SIGLEC14: variants seen among roughly 807,000 people sequenced by gnomAD.
SIGLEC14 encodes sialic acid-binding Ig-like lectin 14.
Under a neutral mutation model 34.2 loss-of-function variants are expected in SIGLEC14, and 11 were observed. The observed-to-expected ratio is 0.32, with a 90% CI of 0.20 to 0.53. The LOEUF is 0.53. Ranked by LOEUF, SIGLEC14 falls within the 20% of genes least tolerant of loss-of-function variation. The pLI is 0.95. For synonymous variants in SIGLEC14, 99 were observed against 179.7 expected, an observed-to-expected ratio of 0.55 and a Z score of 3.59; for missense variants, 264 against 439.0, an observed-to-expected ratio of 0.60 and a Z score of 3.56.
Position 51,644,007 on chromosome 19 carries a change from C to T in SIGLEC14, c.784G>A (p.Val262Met). Reference protein sequence around the residue: ...ALRILSNGMSVPIQEGQSLFL... With the variant: ...ALRILSNGMSMPIQEGQSLFL... ...AGGGACTGGCCCTCCTGGATGGGCA[C>T]CGACATGCCATTGCTCAGGATCCGC... Residue 262 changes from valine (V) to methionine (M), a missense_variant, in exon 5 of 7, where the codon GTG becomes ATG. Physicochemically the swap from Val to Met is conservative, Grantham distance 21. Around this residue, in one of 5 missense-constraint regions of SIGLEC14, gnomAD observed 149 missense variants for 184.4 expected, o/e 0.81. Coordinates refer to ENST00000360844, the MANE Select transcript of SIGLEC14 (RefSeq NM_001098612.3). 2 of 1,524,412 alleles carry T rather than the reference C, an allele frequency of 1.3e-6. 1 individual carries two copies. Among genetic ancestry groups the T allele is most frequent in the South Asian group, 2.4e-5 (2 of 81,856 alleles). 94.4% of individuals were successfully genotyped at this position (1,524,412 alleles called of 1,614,324 possible). A position where few individuals can be genotyped will look rare whatever the true frequency, so the allele number is the denominator to read the frequency against.
rs1276098763 is a variant in SIGLEC14 at position 51,639,772 on chromosome 19, A to C, written c.*3583T>G. On this transcript the variant is annotated 3_prime_UTR_variant, in exon 7 of 7. Transcript: ENST00000360844. ...AGATTTCAACATATAAATTTTGGGA[A>C]GACACACATTTCTATTATAGCATAA... The C allele has an allele frequency of 1.4e-5, 2 of 139,472 alleles. 1 individual carries two copies. Among genetic ancestry groups the C allele is most frequent in the Non-Finnish European group, 3.1e-5 (2 of 65,104 alleles). The allele number at this position is 139,472 out of a possible 1,614,324, so 8.6% of individuals were successfully genotyped here.
rs1250377131 is a variant in SIGLEC14 at position 51,643,247 on chromosome 19, G to C, written c.*108C>G. On this transcript the variant is annotated 3_prime_UTR_variant, in exon 7 of 7. Coordinates refer to ENST00000360844, the MANE Select transcript of SIGLEC14 (RefSeq NM_001098612.3). ...GGTATGGGGCAGGAAGGAAAAGAGG[G>C]GTAGTCAGTGGGATGTGAGCTTCCA... 1.9e-6 allele frequency: 2 copies of C among 1,080,940 alleles called. No homozygotes were observed. Among genetic ancestry groups the C allele is most frequent in the African/African-American group, 3.7e-5 (2 of 54,258 alleles). The allele number at this position is 1,080,940 out of a possible 1,614,324, so 67.0% of individuals were successfully genotyped here.
In SIGLEC14 at chr19:51,640,834, G is replaced by A. The variant is rs768324960; in HGVS notation, c.*2521C>T. ...ACTAAATACAAAAAAAACTAGCCAG[G>A]CGTGATGGTGCGTGCCTGTAATCCA... On this transcript the variant is annotated 3_prime_UTR_variant, in exon 7 of 7. Coordinates refer to ENST00000360844, the MANE Select transcript of SIGLEC14 (RefSeq NM_001098612.3). Among the ~76,000 whole-genome samples the A allele has an allele frequency of 2.9e-5, 4 of 137,858 alleles. No homozygotes were observed. The highest frequency in any genetic ancestry group is 4.6e-5 in the Non-Finnish European group (3 of 64,716). The allele number at this position is 137,858 out of a possible 152,430, so 90.4% of individuals were successfully genotyped here.
Position 51,643,003 on chromosome 19 carries a change from AAC to A in SIGLEC14, c.*350_*351del. 1 of 194,182 alleles carries A rather than the reference AAC, an allele frequency of 5.1e-6. No homozygotes were observed. Among genetic ancestry groups the A allele is most frequent in the Non-Finnish European group, 9.2e-6 (1 of 108,318 alleles). The allele number at this position is 194,182 out of a possible 1,614,324, so 12.0% of individuals were successfully genotyped here. On this transcript the variant is annotated 3_prime_UTR_variant, in exon 7 of 7. Coordinates refer to ENST00000360844, the MANE Select transcript of SIGLEC14 (RefSeq NM_001098612.3). ...TGTGCCACTGAACTCCAGCCTGTGCAACAGAGTGAGACTCTGTCTCAAAAAAA... is the reference window on the plus strand; with the variant it reads ...TGTGCCACTGAACTCCAGCCTGTGCAAGAGTGAGACTCTGTCTCAAAAAAA...
chr19:51,643,483 G>GGGGGGGGGGGGGGCC, intron 6 of SIGLEC14, 54 bp downstream of exon 6: 3 of 1,297,886 alleles, frequency 2.3e-6, no homozygotes, highest in Admixed American at 2.4e-5. Flanking sequence ...GGGCAGGACA[G>GGGGGGGGGGGGGGCC]CTCAGCCCCA....
Position 51,640,702 on chromosome 19 carries a change from C to T in SIGLEC14, c.*2653G>A, listed in dbSNP as rs983067122. Reference sequence around the variant, plus strand: ...GTAAAACAGTTGATTCAGCCAACTGCGGTGGCTCACGCCTATAATCCCAGC... The same window carrying T: ...GTAAAACAGTTGATTCAGCCAACTGTGGTGGCTCACGCCTATAATCCCAGC... On this transcript the variant is annotated 3_prime_UTR_variant, in exon 7 of 7. Transcript: ENST00000360844. Among the ~76,000 whole-genome samples the T allele has an allele frequency of 6.4e-5, 9 of 139,716 alleles. No individual in the cohort carries two copies. The highest frequency in any genetic ancestry group is 1.9e-4 in the African/African-American group (7 of 36,936). The allele number at this position is 139,716 out of a possible 152,430, so 91.7% of individuals were successfully genotyped here.
Position 51,642,788 on chromosome 19 carries a change from C to G in SIGLEC14, c.*567G>C, listed in dbSNP as rs1983931452. On this transcript the variant is annotated 3_prime_UTR_variant, in exon 7 of 7. Transcript: ENST00000360844. Reference sequence around the variant, plus strand: ...CTGTAATGCCAGCACTTTGGGAGGCCAATGCAGTGGATTGCTTGAGGTCAG... The same window carrying G: ...CTGTAATGCCAGCACTTTGGGAGGCGAATGCAGTGGATTGCTTGAGGTCAG... The G allele has an allele frequency of 1.4e-5, 2 of 138,164 alleles. 1 individual carries two copies. Among genetic ancestry groups the G allele is most frequent in the African/African-American group, 5.7e-5 (2 of 34,784 alleles). 8.6% of individuals were successfully genotyped at this position (138,164 alleles called of 1,614,324 possible). A position where few individuals can be genotyped will look rare whatever the true frequency, so the allele number is the denominator to read the frequency against.
chr19:51,646,413 G>C lies in SIGLEC14; in HGVS notation c.265C>G (p.Arg89Gly), dbSNP rs773260965. Reference sequence around the variant, plus strand: ...TGGACATCCCCAAGGAGGCGGAATCGGCCCTGGGTCTCTGGCTTCACTCTT... The same window carrying C: ...TGGACATCCCCAAGGAGGCGGAATCCGCCCTGGGTCTCTGGCTTCACTCTT... ...DRRVKPETQG[R>G]FRLLGDVQKK... is the part of the protein sequence containing the mutation. The change falls in exon 2 of 7, where the codon CGA becomes GGA. Residue 89 changes from arginine to glycine, a missense_variant. By Grantham distance (125) the Arg-to-Gly change is moderately radical. Coordinates refer to ENST00000360844, the MANE Select transcript of SIGLEC14 (RefSeq NM_001098612.3). 9.5e-7 allele frequency: 1 copy of C among 1,050,494 alleles called. No individual in the cohort carries two copies. The highest frequency in any genetic ancestry group is 1.3e-6 in the Non-Finnish European group (1 of 775,456). The allele number at this position is 1,050,494 out of a possible 1,614,324, so 65.1% of individuals were successfully genotyped here. A position where few individuals can be genotyped will look rare whatever the true frequency, so the allele number is the denominator to read the frequency against.
Position 51,644,102 on chromosome 19 carries a change from C to G in SIGLEC14, c.755-66G>C, listed in dbSNP as rs557580628. 7.2e-6 allele frequency: 10 copies of G among 1,396,408 alleles called. 1 individual carries two copies. Among genetic ancestry groups the G allele is most frequent in the Non-Finnish European group, 9.4e-6 (10 of 1,064,706 alleles). 86.5% of individuals were successfully genotyped at this position (1,396,408 alleles called of 1,614,324 possible). Reference sequence around the variant, plus strand: ...GCCCAATTCTCCCTCATTCCTCCCACTGAGCTGCAAGAAGAAAGACAAGAC... The same window carrying G: ...GCCCAATTCTCCCTCATTCCTCCCAGTGAGCTGCAAGAAGAAAGACAAGAC... On this transcript the variant is annotated intron_variant, in intron 4 of 6. Coordinates refer to ENST00000360844, the MANE Select transcript of SIGLEC14 (RefSeq NM_001098612.3).
In SIGLEC14 at chr19:51,642,098, CAG is replaced by C. The variant is rs779645053; in HGVS notation, c.*1255_*1256del. ...CAATCCGTGAATTCAAAGGAAATCT[CAG>C]GGGAAAGAAGGAAATATTTTGAACT... On this transcript the variant is annotated 3_prime_UTR_variant, in exon 7 of 7. Transcript: ENST00000360844. 2.9e-5 allele frequency among the ~76,000 whole-genome samples: 4 copies of C among 138,962 alleles called. 1 individual carries two copies. Among genetic ancestry groups the C allele is most frequent in the African/African-American group, 1.1e-4 (4 of 36,552 alleles). The allele number at this position is 138,962 out of a possible 152,430, so 91.2% of individuals were successfully genotyped here.
At position 51,643,736 on chromosome 19, in the gene SIGLEC14, C is replaced by T; in HGVS notation, c.1012+43G>A. 2.0e-6 allele frequency: 3 copies of T among 1,514,444 alleles called. No individual in the cohort carries two copies. The African/African-American group carries it at 4.5e-5, about 23-fold the overall frequency. 93.8% of individuals were successfully genotyped at this position (1,514,444 alleles called of 1,614,324 possible). On this transcript the variant is annotated intron_variant, in intron 5 of 6. Transcript: ENST00000360844. ...TCAGTCCCTCCCACCAACCTGAATA[C>T]CTCACCGGGCTGTCTACCCTCAGCA...
At position 51,645,454 on chromosome 19, in the gene SIGLEC14, AGAG is replaced by A. The variant is rs750609897; in HGVS notation, c.754+20_754+22del. 1 of 1,520,972 alleles carries A rather than the reference AGAG, an allele frequency of 6.6e-7. No homozygotes were observed. The highest frequency in any genetic ancestry group is 1.5e-5 in the African/African-American group (1 of 66,728). 94.2% of individuals were successfully genotyped at this position (1,520,972 alleles called of 1,614,324 possible). The stretch of plus-strand genomic sequence containing the variant: ...AATAGAAGGCTCCCATCACAGCCCC[AGAG>A]GGAAGAGGGTCTTTCCTACCTGTGC... On this transcript the variant is annotated intron_variant, in intron 4 of 6. Coordinates refer to ENST00000360844, the MANE Select transcript of SIGLEC14 (RefSeq NM_001098612.3).
rs143837538 is a variant in SIGLEC14 at position 51,642,104 on chromosome 19, A to G, written c.*1251T>C. ...GTGAATTCAAAGGAAATCTCAGGGG[A>G]AAGAAGGAAATATTTTGAACTAATA... On this transcript the variant is annotated 3_prime_UTR_variant, in exon 7 of 7. Coordinates refer to ENST00000360844, the MANE Select transcript of SIGLEC14 (RefSeq NM_001098612.3). Among the ~76,000 whole-genome samples the G allele has an allele frequency of 2.4e-3, 329 of 139,744 alleles. 64 individuals are homozygous for G. Among genetic ancestry groups the G allele is most frequent in the African/African-American group, 8.4e-3 (310 of 36,948 alleles). 91.7% of individuals were successfully genotyped at this position (139,744 alleles called of 152,430 possible).
chr19:51,643,258 G>T lies in SIGLEC14; in HGVS notation c.*97C>A. 1 of 1,176,716 alleles carries T rather than the reference G, an allele frequency of 8.5e-7. No homozygotes were observed. Among genetic ancestry groups the T allele is most frequent in the Non-Finnish European group, 1.2e-6 (1 of 831,572 alleles). 72.9% of individuals were successfully genotyped at this position (1,176,716 alleles called of 1,614,324 possible). A position where few individuals can be genotyped will look rare whatever the true frequency, so the allele number is the denominator to read the frequency against. ...GGAAGGAAAAGAGGGGTAGTCAGTG[G>T]GATGTGAGCTTCCAGAAAGAAGCTG... is the stretch of plus-strand genomic sequence containing the variant. On this transcript the variant is annotated 3_prime_UTR_variant, in exon 7 of 7. Transcript: ENST00000360844.
rs1255508021 is a variant in SIGLEC14 at position 51,645,660 on chromosome 19, G to C, written c.700+122C>G. On this transcript the variant is annotated intron_variant, in intron 3 of 6. Coordinates refer to ENST00000360844, the MANE Select transcript of SIGLEC14 (RefSeq NM_001098612.3). Reference sequence around the variant, plus strand: ...CGCTGTCCTTCCTGCCCACACACGAGTTTTCCCTGGTTATCATTCTCTTTC... The same window carrying C: ...CGCTGTCCTTCCTGCCCACACACGACTTTTCCCTGGTTATCATTCTCTTTC... 13 of 1,450,144 alleles carry C rather than the reference G, an allele frequency of 9.0e-6. 2 individuals carry two copies. Among genetic ancestry groups the C allele is most frequent in the Non-Finnish European group, 1.2e-5 (13 of 1,080,194 alleles). The allele number at this position is 1,450,144 out of a possible 1,614,324, so 89.8% of individuals were successfully genotyped here.
chr19:51,643,373 C>T lies in SIGLEC14; in HGVS notation c.1173G>A (p.Arg391=), dbSNP rs754478866. The T allele has an allele frequency of 1.3e-6, 2 of 1,523,280 alleles. No homozygotes were observed. The highest frequency in any genetic ancestry group is 3.6e-5 in the East Asian group (1 of 27,848). The allele number at this position is 1,523,280 out of a possible 1,614,324, so 94.4% of individuals were successfully genotyped here. A position where few individuals can be genotyped will look rare whatever the true frequency, so the allele number is the denominator to read the frequency against. ...YTRCGGPQQS[R]AERPG is the part of the protein sequence containing the mutation. ...GAGGGGCTCAGCCAGGCCTCTCAGC[C>T]CTGCTCTGCTGGGGGCCTCCACACC... The change falls in exon 7 of 7, where the codon AGG becomes AGA. Residue 391 remains arginine, a synonymous_variant. Coordinates refer to ENST00000360844, the MANE Select transcript of SIGLEC14 (RefSeq NM_001098612.3).
At position 51,640,717 on chromosome 19, in the gene SIGLEC14, A is replaced by G. The variant is rs185663113; in HGVS notation, c.*2638T>C. Among the ~76,000 whole-genome samples the G allele has an allele frequency of 1.4e-5, 2 of 139,812 alleles. 1 individual carries two copies. Among genetic ancestry groups the G allele is most frequent in the Non-Finnish European group, 3.1e-5 (2 of 65,044 alleles). 91.7% of individuals were successfully genotyped at this position (139,812 alleles called of 152,430 possible). On this transcript the variant is annotated 3_prime_UTR_variant, in exon 7 of 7. Transcript: ENST00000360844. The stretch of plus-strand genomic sequence containing the variant: ...CAGCCAACTGCGGTGGCTCACGCCT[A>G]TAATCCCAGCACTTTGGAGGCTGAG...
In SIGLEC14 at chr19:51,643,295, C is replaced by T. The variant is rs1407885520; in HGVS notation, c.*60G>A. 4 of 1,411,756 alleles carry T rather than the reference C, an allele frequency of 2.8e-6. 1 individual carries two copies. The highest frequency in any genetic ancestry group is 1.7e-5 in the Admixed American group (1 of 57,252). The allele number at this position is 1,411,756 out of a possible 1,614,324, so 87.5% of individuals were successfully genotyped here. On this transcript the variant is annotated 3_prime_UTR_variant, in exon 7 of 7. Transcript: ENST00000360844. ...CCAGAAAGAAGCTGACAGTGATGTC[C>T]TGCATGTGTCCCACAGGGCTAAGTG...
chr19:51,640,950 G>A lies in SIGLEC14; in HGVS notation c.*2405C>T, dbSNP rs1240954977. 7.2e-6 allele frequency among the ~76,000 whole-genome samples: 1 copy of A among 139,018 alleles called. No individual in the cohort carries two copies. Among genetic ancestry groups the A allele is most frequent in the Non-Finnish European group, 1.5e-5 (1 of 64,956 alleles). 91.2% of individuals were successfully genotyped at this position (139,018 alleles called of 152,430 possible). ...AGATCGCGCCATTGCACTCCAGCCTGGGCAAAAAGAGCGAAACTCTGTCTC... is the reference window on the plus strand; with the variant it reads ...AGATCGCGCCATTGCACTCCAGCCTAGGCAAAAAGAGCGAAACTCTGTCTC... On this transcript the variant is annotated 3_prime_UTR_variant, in exon 7 of 7. Coordinates refer to ENST00000360844, the MANE Select transcript of SIGLEC14 (RefSeq NM_001098612.3).
Sources: gnomAD v4.1 joint callset for allele counts (sites outside exome capture counted in the v4.1 genomes callset) on GRCh38, gnomAD v4.1.1 for gene constraint, gnomAD v4.1.1 regional missense constraint, MANE v1.5 for transcripts, NCBI Gene and HGNC (gene_info 2026-07-23, HGNC 2026-07-21) for gene names.